Variants in ZNF280C observed in about 807,000 individuals in gnomAD.
ZNF280C encodes the protein suppressor of hairy wing homolog 3.
In ZNF280C, 14 loss-of-function variants were observed where a neutral mutation model predicts 53.6. That is an observed-to-expected ratio of 0.26 (90% CI 0.17 to 0.41). The LOEUF is 0.41. ZNF280C is among the 10% of genes least tolerant of loss of function. The pLI is 1.00. For missense variants in ZNF280C, 416 were observed against 547.1 expected (o/e 0.76, Z 2.39); for synonymous variants, 203 against 181.1 (o/e 1.12, Z -0.97).
chrX:130,225,842 G>C (rs1015473443), intron 12 of ZNF280C, among the ~76,000 whole-genome samples: 3 of 111,893 alleles, frequency 2.7e-5, no homozygotes, highest in African/African-American at 9.7e-5. Context: ...TCAACTTGCC[G>C]AGACAATGCA....
At position 130,230,866 on chromosome X, in the gene ZNF280C, T is replaced by C. The variant is rs989750588; in HGVS notation, c.772-139A>G. 7 of 348,927 alleles carry C rather than the reference T, an allele frequency of 2.0e-5. No individual in the cohort carries two copies. The Admixed American group carries it at 3.4e-4, about 17-fold the overall frequency. 28.8% of individuals were successfully genotyped at this position (348,927 alleles called of 1,213,427 possible). A position where few individuals can be genotyped will look rare whatever the true frequency, so the allele number is the denominator to read the frequency against. ...TATCTAGAAAGATACTGACCAAAATTGTGGCTTCCATTTTTACATATTCTA... is the reference window on the plus strand; with the variant it reads ...TATCTAGAAAGATACTGACCAAAATCGTGGCTTCCATTTTTACATATTCTA... On this transcript the variant is annotated intron_variant, in intron 8 of 18. Transcript: ENST00000370978.
At chrX:130,227,128 T>C (rs1569434624) in intron 11 of ZNF280C, among the ~76,000 whole-genome samples, 4 of 111,529 alleles carry the variant, frequency 3.6e-5, no homozygotes, top group South Asian at 7.5e-4. Flanking sequence ...TAAGACTCTC[T>C]TCTTCTTTTC....
chrX:130,228,910 A>G, intron 10 of ZNF280C, 67 bp downstream of exon 10: 5 of 1,000,621 alleles, frequency 5.0e-6, no homozygotes, highest in Non-Finnish European at 6.6e-6. Flanking sequence ...AGAATTTTTA[A>G]GGTTTCCTCA....
Position 130,243,868 on chromosome X carries a change from A to G in ZNF280C, c.179-3T>C. The G allele has an allele frequency of 1.9e-6, 2 of 1,079,748 alleles. No homozygotes were observed. The highest frequency in any genetic ancestry group is 2.5e-6 in the Non-Finnish European group (2 of 815,548). The allele number at this position is 1,079,748 out of a possible 1,213,427, so 89.0% of individuals were successfully genotyped here. On this transcript the variant is annotated splice_polypyrimidine_tract_variant and splice_region_variant and intron_variant, in intron 3 of 18. Transcript: ENST00000370978. ...GGAGTGGCCTCTGTTCAAAATATCT[A>G]TAAAATTATATTTATTTTAAAATTT...
At chrX:130,264,534 G>A (rs2032668223) in intron 1 of ZNF280C, among the ~76,000 whole-genome samples, 1 of 110,399 alleles carries the variant, frequency 9.1e-6, no homozygotes, top group South Asian at 3.8e-4. Flanking sequence ...GGATTCTCTG[G>A]GTGACCAACC....
chrX:130,227,051 C>CTG (rs746975731), intron 11 of ZNF280C, 146 bp from the exon 12 acceptor site: 2 of 462,736 alleles, frequency 4.3e-6, no homozygotes, highest in Non-Finnish European at 7.1e-6. Flanking sequence ...AATCATATTA[C>CTG]TGCAAGTAAT....
At chrX:130,247,426 G>A (rs2032462018) in intron 2 of ZNF280C, among the ~76,000 whole-genome samples, 1 of 111,878 alleles carries the variant, frequency 8.9e-6, no homozygotes, top group East Asian at 2.8e-4. Flanking sequence ...TGATTCTCGT[G>A]CCTCAGCCTC....
At chrX:130,265,176 C>T (rs754757751) in intron 1 of ZNF280C, among the ~76,000 whole-genome samples, 2 of 111,982 alleles carry the variant, frequency 1.8e-5, no homozygotes, top group East Asian at 5.5e-4. Context: ...ACTTTTGTCT[C>T]TGTTAATTTT....
At chrX:130,260,606 C>G (rs2032621398) in intron 1 of ZNF280C, 141 bp from the exon 2 acceptor site, 2 of 335,026 alleles carry the variant, frequency 6.0e-6, no homozygotes, top group Admixed American at 5.5e-5. Flanking sequence ...CCAGACAAGA[C>G]AGTAAGCTAG....
intron 5 of ZNF280C, among the ~76,000 whole-genome samples, chrX:130,242,591 G>A (rs1406373755): frequency 8.9e-6 from 1 of 112,214 alleles, no homozygotes; most frequent in Non-Finnish European, 1.9e-5. Context: ...CTGGGTTGGA[G>A]TGCAGTTGTG....
At chrX:130,258,163 A>G (rs948335779) in intron 2 of ZNF280C, among the ~76,000 whole-genome samples, 6 of 112,093 alleles carry the variant, frequency 5.4e-5, no homozygotes, top group Middle Eastern at 4.6e-3. Flanking sequence ...GGGAATGTAT[A>G]TAAGTGGTGG....
intron 2 of ZNF280C, among the ~76,000 whole-genome samples, chrX:130,254,495 A>G (rs1382644812): frequency 8.9e-6 from 1 of 112,162 alleles, no homozygotes; most frequent in Non-Finnish European, 1.9e-5. Flanking sequence ...GAGCAAAGAC[A>G]TGGAATCGAC....
At chrX:130,255,832 G>C (rs1356095405) in intron 2 of ZNF280C, among the ~76,000 whole-genome samples, 1 of 111,821 alleles carries the variant, frequency 8.9e-6, no homozygotes, top group African/African-American at 3.2e-5. Context: ...GTGCGCACCT[G>C]TAATTCTAGC....
intron 16 of ZNF280C, among the ~76,000 whole-genome samples, chrX:130,208,069 C>T (rs1244494751): frequency 1.8e-5 from 2 of 112,084 alleles, no homozygotes; most frequent in Admixed American, 9.5e-5. Context: ...TTCATTTTAA[C>T]AAAATAGTAA....
intron 2 of ZNF280C, among the ~76,000 whole-genome samples, chrX:130,259,625 G>A (rs1433524077): frequency 8.9e-6 from 1 of 112,191 alleles, no homozygotes; most frequent in African/African-American, 3.2e-5. Context: ...GGGATGAGAA[G>A]GAAACATTTC....
intron 8 of ZNF280C, among the ~76,000 whole-genome samples, chrX:130,233,477 G>T (rs967974398): frequency 2.7e-5 from 3 of 109,532 alleles, no homozygotes; most frequent in Non-Finnish European, 5.7e-5. Flanking sequence ...TTAGCTGGGT[G>T]TGGTGGTGCA....
At chrX:130,261,997 G>A (rs1216331637) in intron 1 of ZNF280C, among the ~76,000 whole-genome samples, 2 of 111,043 alleles carry the variant, frequency 1.8e-5, no homozygotes, top group African/African-American at 6.6e-5. Context: ...TTAATTAAAT[G>A]ATCATATAAA....
intron 1 of ZNF280C, among the ~76,000 whole-genome samples, chrX:130,264,035 A>T (rs1242846625): frequency 9.5e-6 from 1 of 104,780 alleles, no homozygotes; most frequent in Non-Finnish European, 1.9e-5. Flanking sequence ...AAAAAAAAAA[A>T]AAAAAAGAAA....
intron 2 of ZNF280C, among the ~76,000 whole-genome samples, chrX:130,255,287 C>T (rs1219957948): frequency 9.7e-6 from 1 of 102,803 alleles, no homozygotes; most frequent in Non-Finnish European, 2.0e-5. Flanking sequence ...ACTACAGGCG[C>T]CCGCCACTAC....
Sources: allele counts gnomAD v4.1 joint callset (sites outside exome capture counted in the v4.1 genomes callset), GRCh38; gene constraint gnomAD v4.1.1; transcripts MANE v1.5; gene names NCBI Gene and HGNC (gene_info 2026-07-23, HGNC 2026-07-21).